The following LAMA3 variants were observed in gnomAD, a reference collection of about 807,000 sequenced individuals.
LAMA3 encodes laminin subunit alpha-3.
In LAMA3, 281 loss-of-function variants were observed where a neutral mutation model predicts 402.0. That is an observed-to-expected ratio of 0.70 (90% CI 0.63 to 0.77). The LOEUF (loss-of-function observed/expected upper bound fraction) is 0.77. Among genes scored for constraint, LAMA3 ranks in the 30% least tolerant of loss-of-function variants. The probability of loss-of-function intolerance (pLI) is 0.00; values close to 1 mark genes in which losing one functional copy is unlikely to be tolerated. For missense variants in LAMA3, 3,840 were observed against 4,215.5 expected (o/e 0.91, Z 2.47); for synonymous variants, 1,431 against 1,558.4 (o/e 0.92, Z 1.93).
chr18:23,775,705 G>A, intron 9 of LAMA3, 87 bp from the exon 10 acceptor site: 1 of 1,450,562 alleles, frequency 6.9e-7, no homozygotes, highest in South Asian at 1.2e-5. Flanking sequence ...GATCAAGTAT[G>A]GAACGTTGCC....
chr18:23,831,430 T>C (rs1461494173), intron 23 of LAMA3, among the ~76,000 whole-genome samples: 1 of 152,082 alleles, frequency 6.6e-6, no homozygotes, highest in African/African-American at 2.4e-5. Context: ...AGCCTCCTAC[T>C]GCAAGCCGTT....
At chr18:23,942,283 C>T (rs2082549396) in intron 68 of LAMA3, among the ~76,000 whole-genome samples, 1 of 152,190 alleles carries the variant, frequency 6.6e-6, no homozygotes, top group Non-Finnish European at 1.5e-5. Context: ...ACGTTAGCCA[C>T]AGGAATGGCT....
At chr18:23,914,591 C>T (rs1192402139) in intron 57 of LAMA3, 30 bp downstream of exon 57, 3 of 1,612,692 alleles carry the variant, frequency 1.9e-6, no homozygotes, top group Non-Finnish European at 8.5e-7. Context: ...TACCTGTGCT[C>T]ACCAAACTTC....
rs1198377357 is a variant in LAMA3, at chr18:23,918,230, A to C, written c.7923+1535A>C. 6.6e-6 allele frequency among the ~76,000 whole-genome samples: 1 copy of C among 152,154 alleles called. No individual in the cohort carries two copies. The highest frequency in any genetic ancestry group is 1.5e-5 in the Non-Finnish European group (1 of 68,034). On this transcript the variant is annotated intron_variant, in intron 60 of 74. Coordinates refer to ENST00000313654, the MANE Select transcript of LAMA3 (RefSeq NM_198129.4). This position sits in a 1 kb window ranked among gnomAD's most constrained non-coding sequence, Gnocchi z 4.1. Reference sequence around the variant, plus strand: ...GTGTGGCTTTATCTCTGGGCTCTCTATTCTGTTCCATTGATGTCTATTTTA... The same window carrying C: ...GTGTGGCTTTATCTCTGGGCTCTCTCTTCTGTTCCATTGATGTCTATTTTA...
At chr18:23,788,721 A>G (rs1035357188) in intron 12 of LAMA3, among the ~76,000 whole-genome samples, 2 of 151,958 alleles carry the variant, frequency 1.3e-5, no homozygotes, top group African/African-American at 4.8e-5. Context: ...ACTGTTTCTT[A>G]GATATGACAA....
intron 33 of LAMA3, 122 bp downstream of exon 33, chr18:23,858,110 A>G (rs1314151285): frequency 8.6e-7 from 1 of 1,166,612 alleles, no homozygotes; most frequent in Non-Finnish European, 1.3e-6. Context: ...TTGATAGTGT[A>G]TGTAGCATTT....
intron 36 of LAMA3, among the ~76,000 whole-genome samples, chr18:23,867,552 CAA>C (rs60964764): frequency 1.2e-3 from 116 of 96,326 alleles, no homozygotes; most frequent in Admixed American, 2.5e-3. Context: ...CCATCCCTGC[CAA>C]AAAAAAAAAA....
intron 2 of LAMA3, among the ~76,000 whole-genome samples, chr18:23,715,865 A>G (rs2061089199): frequency 6.6e-6 from 1 of 152,228 alleles, no homozygotes; most frequent in Non-Finnish European, 1.5e-5. Context: ...TAGCATAGAA[A>G]TGGAATGATA....
At chr18:23,838,561 A>T (rs558298204) in intron 25 of LAMA3, among the ~76,000 whole-genome samples, 10 of 152,362 alleles carry the variant, frequency 6.6e-5, no homozygotes, top group Non-Finnish European at 1.0e-4. Context: ...TTTCAGCAGT[A>T]ATTCAGTCAG....
chr18:23,902,039 G>A (rs1485125216), intron 48 of LAMA3, among the ~76,000 whole-genome samples: 12 of 152,240 alleles, frequency 7.9e-5, no homozygotes, highest in East Asian at 1.9e-4. Context: ...CTAAAACAAT[G>A]AGGCCAGGTG....
intron 69 of LAMA3, among the ~76,000 whole-genome samples, chr18:23,944,582 G>A (rs2082639907): frequency 6.6e-6 from 1 of 152,170 alleles, no homozygotes; most frequent in East Asian, 1.9e-4. Context: ...GACAGAGCAG[G>A]GAGACTATTT....
At chr18:23,829,635 A>G (rs1319662596) in intron 23 of LAMA3, among the ~76,000 whole-genome samples, 2 of 152,210 alleles carry the variant, frequency 1.3e-5, no homozygotes, top group Non-Finnish European at 2.9e-5. Context: ...AAATTTATTT[A>G]GTTTTATATA....
At chr18:23,868,151 T>G (rs2064412116) in intron 37 of LAMA3, among the ~76,000 whole-genome samples, 1 of 152,134 alleles carries the variant, frequency 6.6e-6, no homozygotes, top group Non-Finnish European at 1.5e-5. Flanking sequence ...CACTGGAGCA[T>G]TTCAGCTTTC....
chr18:23,944,205 T>A (rs749386427), intron 69 of LAMA3, among the ~76,000 whole-genome samples: 7 of 152,026 alleles, frequency 4.6e-5, no homozygotes, highest in Non-Finnish European at 8.8e-5. Flanking sequence ...GCTTCTTCCA[T>A]CCCCTCCAGC....
At chr18:23,822,146 CAT>C in intron 19 of LAMA3, 104 bp from the exon 20 acceptor site, 1 of 1,227,088 alleles carries the variant, frequency 8.1e-7, no homozygotes. Context: ...TATGTGTGTA[CAT>C]TACAAGTCCA....
rs752942455 is a variant in LAMA3 at position 23,920,938 on chromosome 18, C to T, written c.7927C>T (p.Arg2643Cys). Residue 2643 changes from arginine to cysteine, a missense_variant, in exon 61 of 75, where the codon CGC (arginine) becomes TGC (cysteine). Arg to Cys is a radical substitution (Grantham distance 180, BLOSUM62 -3). Coordinates refer to ENST00000313654, the MANE Select transcript of LAMA3 (RefSeq NM_198129.4). ...CTGCATTGTTCCTCTGTCCTAGGAT[C>T]GCTTCATATCTCTAAATATAGAAGA... ...GLLFFAENGDRFISLNIEDGK... is the reference protein window; with the variant it reads ...GLLFFAENGDCFISLNIEDGK... 1.7e-5 allele frequency: 28 copies of T among 1,613,862 alleles called. No individual in the cohort carries two copies. Among genetic ancestry groups the T allele is most frequent in the Admixed American group, 6.7e-5 (4 of 60,020 alleles).
chr18:23,945,305 G>A (rs925848620), intron 69 of LAMA3, among the ~76,000 whole-genome samples: 2 of 152,216 alleles, frequency 1.3e-5, no homozygotes, highest in Admixed American at 6.5e-5. Context: ...CCGCCAGGAC[G>A]CATGCTGAAG....
chr18:23,908,825 G>A (rs753876821), intron 54 of LAMA3, among the ~76,000 whole-genome samples: 6 of 152,200 alleles, frequency 3.9e-5, no homozygotes, highest in Non-Finnish European at 8.8e-5. Flanking sequence ...GCAAGGATAT[G>A]CTGGAAAAAA....
intron 32 of LAMA3, among the ~76,000 whole-genome samples, chr18:23,853,554 G>A (rs945906549): frequency 6.6e-6 from 1 of 152,310 alleles, no homozygotes; most frequent in Middle Eastern, 3.4e-3. Context: ...TTACAGGCAT[G>A]AGCCACTGCA....
Sources: gnomAD v4.1 joint callset for allele counts (sites outside exome capture counted in the v4.1 genomes callset) on GRCh38, gnomAD v4.1.1 for gene constraint, Gnocchi (gnomAD v3.1) non-coding constraint, MANE v1.5 for transcripts, NCBI Gene and HGNC (gene_info 2026-07-23, HGNC 2026-07-21) for gene names.